OPCML: variants seen among roughly 807,000 people sequenced by gnomAD.
The protein encoded by OPCML is opioid-binding protein/cell adhesion molecule.
Under a neutral mutation model 37.8 loss-of-function variants are expected in OPCML, and 13 were observed. That is an observed-to-expected ratio of 0.34 (90% CI 0.22 to 0.55). The LOEUF is 0.55. Ranked by LOEUF, OPCML falls within the 20% of genes least tolerant of loss-of-function variation. OPCML has a pLI of 0.91. For missense variants in OPCML, 341 were observed against 435.6 expected, an observed-to-expected ratio of 0.78 and a Z score of 1.93; for synonymous variants, 176 against 168.8, an observed-to-expected ratio of 1.04 and a Z score of -0.33.
chr11:132,633,848 A>G (rs770305940), intron 3 of OPCML, among the ~76,000 whole-genome samples: 1 of 152,010 alleles, frequency 6.6e-6, no homozygotes, highest in East Asian at 1.9e-4. Flanking sequence ...AACACCAACT[A>G]AAAAGGGTTT....
At chr11:132,820,849 G>T (rs118030154) in intron 2 of OPCML, among the ~76,000 whole-genome samples, 3 of 152,048 alleles carry the variant, frequency 2.0e-5, no homozygotes, top group Non-Finnish European at 4.4e-5. Flanking sequence ...TTCTTTCCCC[G>T]CACCTCCTCC....
intron 7 of OPCML, among the ~76,000 whole-genome samples, chr11:132,427,670 C>A (rs1565553207): frequency 6.6e-6 from 1 of 152,204 alleles, no homozygotes; most frequent in Non-Finnish European, 1.5e-5. Flanking sequence ...GTCAGCTCAT[C>A]ACAAACCTGG....
chr11:132,424,272 A>C (rs1398352889), intron 7 of OPCML, among the ~76,000 whole-genome samples: 1 of 152,010 alleles, frequency 6.6e-6, no homozygotes, highest in Non-Finnish European at 1.5e-5. Flanking sequence ...GACGCCTGCC[A>C]CCATGCCCAG....
At chr11:133,202,550 C>T (rs953797409) in intron 1 of OPCML, among the ~76,000 whole-genome samples, 2 of 152,228 alleles carry the variant, frequency 1.3e-5, no homozygotes, top group African/African-American at 2.4e-5. Context: ...AGAACAGTCT[C>T]GCCCTCCCTC....
At chr11:132,669,763 TTCTTTCCCAATATCCAGCCCCATTTTCCA>T (rs1200287070) in intron 2 of OPCML, among the ~76,000 whole-genome samples, 2 of 152,210 alleles carry the variant, frequency 1.3e-5, no homozygotes, top group Non-Finnish European at 2.9e-5. Flanking sequence ...AAAAAGTCTC[TTCTTTCCCAATATCCAGCCCCATTTTCCA>T]TCTTTCCCAA....
intron 3 of OPCML, among the ~76,000 whole-genome samples, chr11:132,588,537 T>C (rs2137686111): frequency 6.6e-6 from 1 of 152,268 alleles, no homozygotes; most frequent in South Asian, 2.1e-4. Context: ...TGACTGCAAT[T>C]CCTCTAAGAA....
chr11:133,403,924 CA>C (rs1478410874), intron 1 of OPCML, among the ~76,000 whole-genome samples: 8 of 152,198 alleles, frequency 5.3e-5, no homozygotes, highest in Non-Finnish European at 1.5e-5. Context: ...GATGTATACA[CA>C]AAAGATAAAA....
intron 4 of OPCML, among the ~76,000 whole-genome samples, chr11:132,470,816 T>C (rs1053632305): frequency 6.6e-6 from 1 of 152,158 alleles, no homozygotes; most frequent in Non-Finnish European, 1.5e-5. Context: ...TTCTACTAAA[T>C]ATGAATTTGT....
chr11:133,009,270 A>G (rs1947170404), intron 1 of OPCML: 1 of 977,592 alleles, frequency 1.0e-6, no homozygotes. Context: ...TGCTTGTTAA[A>G]ATGCAATGGT....
intron 1 of OPCML, among the ~76,000 whole-genome samples, chr11:133,459,689 T>C (rs1465509075): frequency 6.6e-6 from 1 of 152,014 alleles, no homozygotes; most frequent in Admixed American, 6.6e-5. Flanking sequence ...ACTATAAGCA[T>C]ATATGCATCA....
intron 1 of OPCML, among the ~76,000 whole-genome samples, chr11:133,272,134 G>A (rs912688597): frequency 6.6e-6 from 1 of 151,842 alleles, no homozygotes; most frequent in Non-Finnish European, 1.5e-5. Flanking sequence ...GCAGAGATTA[G>A]CCCCTTACAA....
chr11:132,501,205 C>A (rs2096244782), intron 4 of OPCML, among the ~76,000 whole-genome samples: 1 of 152,168 alleles, frequency 6.6e-6, no homozygotes, highest in African/African-American at 2.4e-5. Context: ...GGACCCTTTC[C>A]TTACACCTTA....
chr11:133,121,367 A>G (rs146012320), intron 1 of OPCML, among the ~76,000 whole-genome samples: 1 of 152,284 alleles, frequency 6.6e-6, no homozygotes, highest in East Asian at 1.9e-4. Flanking sequence ...TTATTTACTC[A>G]CCTATCTCCT....
intron 2 of OPCML, among the ~76,000 whole-genome samples, chr11:132,808,633 G>A (rs1009136326): frequency 4.6e-5 from 7 of 152,134 alleles, no homozygotes; most frequent in Admixed American, 2.6e-4. Flanking sequence ...GACTGTGAGC[G>A]GGTATGACTG....
chr11:133,382,415 T>A (rs748178144), intron 1 of OPCML, among the ~76,000 whole-genome samples: 8 of 152,126 alleles, frequency 5.3e-5, no homozygotes, highest in Non-Finnish European at 1.0e-4. Flanking sequence ...AGGAGGGGCA[T>A]TGGCCAATCA....
chr11:133,178,620 T>A (rs1937665750), intron 1 of OPCML, among the ~76,000 whole-genome samples: 2 of 152,048 alleles, frequency 1.3e-5, no homozygotes, highest in Admixed American at 1.3e-4. Flanking sequence ...ACAACCACTA[T>A]GTGGGACAGT....
chr11:133,328,228 G>A (rs1466060479), intron 1 of OPCML, among the ~76,000 whole-genome samples: 3 of 151,244 alleles, frequency 2.0e-5, no homozygotes, highest in African/African-American at 7.3e-5. Context: ...CATGATCTCG[G>A]CTCACTGCAA....
intron 1 of OPCML, among the ~76,000 whole-genome samples, chr11:133,240,212 CA>C (rs35643678): frequency 0.027 from 1,802 of 66,062 alleles, 29 homozygotes; most frequent in East Asian, 0.088. Context: ...ACACTTGGGG[CA>C]AAAAAAAAAA....
At chr11:132,849,319 C>G (rs150110833) in intron 2 of OPCML, among the ~76,000 whole-genome samples, 20 of 152,114 alleles carry the variant, frequency 1.3e-4, no homozygotes, top group Non-Finnish European at 2.6e-4. Context: ...ATAAAGACAC[C>G]AATTGCCTAT....
Sources: allele counts gnomAD v4.1 joint callset (sites outside exome capture counted in the v4.1 genomes callset), GRCh38; gene constraint gnomAD v4.1.1; transcripts MANE v1.5; gene names NCBI Gene and HGNC (gene_info 2026-07-23, HGNC 2026-07-21).